The following AZIN2 variants were observed in gnomAD, a reference collection of about 807,000 sequenced individuals.
AZIN2 encodes the protein ODC antizyme inhibitor-2.
A neutral mutation model predicts 47.8 loss-of-function variants in AZIN2; 28 were observed. That is an observed-to-expected ratio of 0.59 (90% CI 0.43 to 0.80). The LOEUF is 0.80. AZIN2 is among the 30% of genes least tolerant of loss of function. The probability of loss-of-function intolerance (pLI) is 0.00; values close to 1 mark genes in which losing one functional copy is unlikely to be tolerated. For missense variants in AZIN2, 535 were observed against 582.5 expected, an observed-to-expected ratio of 0.92 and a Z score of 0.84; for synonymous variants, 221 against 239.4, an observed-to-expected ratio of 0.92 and a Z score of 0.71.
Position 33,082,259 on chromosome 1 carries a change from T to A in AZIN2, c.10T>A (p.Tyr4Asn), listed in dbSNP as rs1275097371. The A allele has an allele frequency of 6.2e-7, 1 of 1,613,878 alleles. No homozygotes were observed. MAG[Y>N]LSESDFVMVE... ...GCTCCTCCTGCAAGGCATGGCTGGC[T>A]ACCTGAGTGAATCGGACTTTGTGAT... The change falls in exon 4 of 12, where the codon TAC becomes AAC. Residue 4 changes from tyrosine to asparagine, a missense_variant. Around this residue, in one of 3 missense-constraint regions of AZIN2, gnomAD observed 409 missense variants for 429.0 expected, o/e 0.95. Coordinates refer to ENST00000294517, the MANE Select transcript of AZIN2 (RefSeq NM_052998.4).
the AZIN2 span, chr1:33,159,640 C>G: frequency 6.4e-7 from 1 of 1,572,564 alleles, no homozygotes; most frequent in African/African-American, 1.3e-5. The surrounding 1 kb of genome is among the most constrained non-coding windows in gnomAD (Gnocchi z 4.2). Context: ...CAGCATGGGT[C>G]GAGGAGGGGA....
At chr1:33,108,126 G>A (rs1332095851) in intron 10 of AZIN2, among the ~76,000 whole-genome samples, 1 of 152,040 alleles carries the variant, frequency 6.6e-6, no homozygotes, top group Non-Finnish European at 1.5e-5. Context: ...GCATAAAAAC[G>A]AACATATAGA....
intron 5 of AZIN2, among the ~76,000 whole-genome samples, chr1:33,084,454 C>A (rs1352769098): frequency 6.6e-6 from 1 of 151,904 alleles, no homozygotes; most frequent in Non-Finnish European, 1.5e-5. Context: ...TTGTTGGTTT[C>A]TTTTCTTTTT....
intron 11 of AZIN2, chr1:33,118,321 A>G: frequency 2.0e-6 from 1 of 509,498 alleles, no homozygotes; most frequent in Non-Finnish European, 3.3e-6. Flanking sequence ...GCCCTGAGGG[A>G]GGCACAGAGA....
At chr1:33,145,065 T>G in the AZIN2 span, among the ~76,000 whole-genome samples, 2 of 152,238 alleles carry the variant, frequency 1.3e-5, no homozygotes, top group Non-Finnish European at 2.9e-5. Flanking sequence ...GAGGTCTGTG[T>G]GGTTCCCGAG....
intron 10 of AZIN2, 88 bp from the exon 11 acceptor site, chr1:33,117,814 T>G: frequency 7.1e-7 from 1 of 1,409,980 alleles, no homozygotes; most frequent in Non-Finnish European, 1.0e-6. Flanking sequence ...CTGTTGGCTA[T>G]GGGAGCCATA....
intron 5 of AZIN2, among the ~76,000 whole-genome samples, chr1:33,088,025 ACT>A (rs896834039): frequency 6.6e-6 from 1 of 151,660 alleles, no homozygotes; most frequent in African/African-American, 2.4e-5. Flanking sequence ...ATCTTCTGCC[ACT>A]CTCTAAATGG....
At chr1:33,097,816 A>G (rs1043568815) in intron 9 of AZIN2, among the ~76,000 whole-genome samples, 3 of 152,040 alleles carry the variant, frequency 2.0e-5, no homozygotes, top group Non-Finnish European at 4.4e-5. Context: ...TGGGGCACCT[A>G]GGGGCTCAGA....
At chr1:33,144,200 G>A in the AZIN2 span, among the ~76,000 whole-genome samples, 41 of 151,218 alleles carry the variant, frequency 2.7e-4, no homozygotes, top group Non-Finnish European at 5.6e-4. Context: ...GCAATGGCGC[G>A]ATCTCCAGCT....
chr1:33,161,853 C>T, the AZIN2 span, among the ~76,000 whole-genome samples: 3 of 152,198 alleles, frequency 2.0e-5, no homozygotes, highest in Non-Finnish European at 4.4e-5. This position sits in a 1 kb window ranked among gnomAD's most constrained non-coding sequence, Gnocchi z 4.3. Flanking sequence ...CCTCCCATCT[C>T]TGTGACTGCT....
chr1:33,083,611 G>T, intron 4 of AZIN2: 1 of 369,208 alleles, frequency 2.7e-6, no homozygotes, highest in South Asian at 2.6e-5. Flanking sequence ...GGGGAAGGTG[G>T]CATTTGAGTG....
Position 33,122,810 on chromosome 1 carries a change from ACT to A in AZIN2, c.*2636_*2637del, listed in dbSNP as rs534186305. ...TGAAGCCCCTCCTGCGCGCACACTC[ACT>A]CTCTCTCATTCTCTCCTTCAAGGAG... is the stretch of plus-strand genomic sequence containing the variant. On this transcript the variant is annotated 3_prime_UTR_variant, in exon 12 of 12. Coordinates refer to ENST00000294517, the MANE Select transcript of AZIN2 (RefSeq NM_052998.4). 2.0e-5 allele frequency among the ~76,000 whole-genome samples: 3 copies of A among 151,238 alleles called. No individual in the cohort carries two copies. The highest frequency in any genetic ancestry group is 2.1e-4 in the South Asian group (1 of 4,796).
In AZIN2 at chr1:33,090,626, T is replaced by C. The variant is rs938603957; in HGVS notation, c.280-1424T>C. 2.0e-5 allele frequency among the ~76,000 whole-genome samples: 3 copies of C among 152,176 alleles called. No homozygotes were observed. The South Asian group carries it at 6.2e-4, about 32-fold the overall frequency. Reference sequence around the variant, plus strand: ...TATATTTATGGTGTACAACATGATGTTTTGATATATGTATACGTTGTGGAA... The same window carrying C: ...TATATTTATGGTGTACAACATGATGCTTTGATATATGTATACGTTGTGGAA... On this transcript the variant is annotated intron_variant, in intron 5 of 11. Transcript: ENST00000294517.
chr1:33,155,469 T>G, the AZIN2 span, among the ~76,000 whole-genome samples: 1 of 152,086 alleles, frequency 6.6e-6, no homozygotes, highest in African/African-American at 2.4e-5. Context: ...CTGTGTGACC[T>G]GAGGGAGTCA....
the AZIN2 span, among the ~76,000 whole-genome samples, chr1:33,132,826 A>C: frequency 1.3e-5 from 2 of 152,210 alleles, no homozygotes; most frequent in Admixed American, 6.5e-5. Flanking sequence ...AGATGTCCTG[A>C]GATCTTGGGT....
intron 11 of AZIN2, chr1:33,118,554 A>C (rs566036196): frequency 8.2e-4 from 134 of 162,952 alleles, no homozygotes; most frequent in Non-Finnish European, 1.4e-3. Flanking sequence ...TTGAAGGCCG[A>C]GTGACACGCT....
intron 7 of AZIN2, among the ~76,000 whole-genome samples, chr1:33,094,096 C>T (rs1642880783): frequency 6.6e-6 from 1 of 152,196 alleles, no homozygotes. Flanking sequence ...GAACAATGAA[C>T]TACCTAATAT....
chr1:33,125,979 TAGTG>T (rs2124686791), downstream of AZIN2, among the ~76,000 whole-genome samples: 1 of 152,160 alleles, frequency 6.6e-6, no homozygotes, highest in East Asian at 1.9e-4. Flanking sequence ...CTGGGCAACA[TAGTG>T]AGATGCCATC....
intron 5 of AZIN2, among the ~76,000 whole-genome samples, chr1:33,091,600 T>A (rs1557677359): frequency 6.6e-6 from 1 of 152,150 alleles, no homozygotes; most frequent in Non-Finnish European, 1.5e-5. Flanking sequence ...ATTTAAACAT[T>A]TAAATTTGCC....
Sources: allele counts gnomAD v4.1 joint callset (sites outside exome capture counted in the v4.1 genomes callset), GRCh38; gene constraint gnomAD v4.1.1; regional missense constraint gnomAD v4.1.1; non-coding constraint Gnocchi (gnomAD v3.1); transcripts MANE v1.5; gene names NCBI Gene and HGNC (gene_info 2026-07-23, HGNC 2026-07-21).